The following NKAIN2 variants were observed in gnomAD, a reference collection of about 807,000 sequenced individuals.
NKAIN2 encodes the protein sodium/potassium transporting ATPase interacting 2.
In NKAIN2, 14 loss-of-function variants were observed where a neutral mutation model predicts 32.6. The observed-to-expected ratio is 0.43, with a 90% confidence interval of 0.28 to 0.67. The LOEUF is 0.67. Among genes scored for constraint, NKAIN2 ranks in the 30% least tolerant of loss-of-function variants. The pLI, the probability that NKAIN2 is intolerant of heterozygous loss-of-function variation, is 0.17. For synonymous variants in NKAIN2, 80 were observed against 87.2 expected (o/e 0.92, Z 0.46); for missense variants, 198 against 258.3 (o/e 0.77, Z 1.60).
chr6:124,051,170 T>A (rs1460700353), intron 1 of NKAIN2, among the ~76,000 whole-genome samples: 1 of 152,082 alleles, frequency 6.6e-6, no homozygotes, highest in East Asian at 1.9e-4. Context: ...ATAGTCATGG[T>A]GAACTTTATA....
At chr6:124,127,056 C>CATAT (rs1192371922) in intron 1 of NKAIN2, among the ~76,000 whole-genome samples, 2 of 151,528 alleles carry the variant, frequency 1.3e-5, no homozygotes, top group African/African-American at 4.9e-5. Flanking sequence ...TAGAATAATA[C>CATAT]ATATATATAT....
intron 1 of NKAIN2, among the ~76,000 whole-genome samples, chr6:124,181,187 G>T (rs949218617): frequency 6.6e-6 from 1 of 152,130 alleles, no homozygotes; most frequent in Admixed American, 6.5e-5. Context: ...GGCCCCAGCT[G>T]CACCTTGGGG....
intron 1 of NKAIN2, among the ~76,000 whole-genome samples, chr6:123,858,857 A>G (rs1348791383): frequency 1.3e-5 from 2 of 152,186 alleles, no homozygotes; most frequent in Non-Finnish European, 2.9e-5. Flanking sequence ...GTAAGCAGCT[A>G]TGGTGATGGG....
At position 124,178,403 on chromosome 6, in the gene NKAIN2, T is replaced by G. The variant is rs1789272539; in HGVS notation, c.55-104602T>G. ...AGCTCCGCCTCCTGGGTTCACGCCA[T>G]TCTCCTGCCTCAGCTTCCCGAGTAG... On this transcript the variant is annotated intron_variant, in intron 1 of 6. Transcript: ENST00000368417. Among the ~76,000 whole-genome samples the G allele has an allele frequency of 4.0e-5, 6 of 151,800 alleles. No individual in the cohort carries two copies. In the South Asian group the frequency reaches 1.2e-3, roughly 32 times the overall value.
chr6:124,264,586 C>A (rs1438410992), intron 1 of NKAIN2, among the ~76,000 whole-genome samples: 1 of 152,062 alleles, frequency 6.6e-6, no homozygotes, highest in Non-Finnish European at 1.5e-5. Context: ...AGATATAAGA[C>A]CTCCTGTATC....
At chr6:124,449,688 TCACA>T (rs1296848399) in intron 3 of NKAIN2, among the ~76,000 whole-genome samples, 1 of 151,788 alleles carries the variant, frequency 6.6e-6, no homozygotes, top group Non-Finnish European at 1.5e-5. Context: ...ACATATACAT[TCACA>T]CACACACCCA....
chr6:124,130,436 T>G (rs1018060649), intron 1 of NKAIN2, among the ~76,000 whole-genome samples: 1 of 152,198 alleles, frequency 6.6e-6, no homozygotes, highest in South Asian at 2.1e-4. Flanking sequence ...TGTTTTTCAT[T>G]TTAACTACTG....
intron 4 of NKAIN2, among the ~76,000 whole-genome samples, chr6:124,707,806 A>T (rs1198615532): frequency 6.6e-6 from 1 of 151,922 alleles, no homozygotes; most frequent in East Asian, 1.9e-4. Flanking sequence ...GTTCACTCTG[A>T]TGGTAGTTTC....
At chr6:124,316,474 T>C (rs1796957804) in intron 2 of NKAIN2, among the ~76,000 whole-genome samples, 1 of 152,132 alleles carries the variant, frequency 6.6e-6, no homozygotes, top group South Asian at 2.1e-4. Flanking sequence ...GCATTTCTCA[T>C]TACTATATGC....
chr6:123,867,339 A>C (rs967923097), intron 1 of NKAIN2, among the ~76,000 whole-genome samples: 1 of 152,308 alleles, frequency 6.6e-6, no homozygotes, highest in East Asian at 1.9e-4. Context: ...ATTTTTGGCT[A>C]TGTTTATATT....
chr6:123,953,494 A>G (rs955616558), intron 1 of NKAIN2, among the ~76,000 whole-genome samples: 3 of 152,118 alleles, frequency 2.0e-5, no homozygotes, highest in Non-Finnish European at 4.4e-5. Flanking sequence ...CAAGTGGTCC[A>G]TGGTGGTGTT....
intron 1 of NKAIN2, among the ~76,000 whole-genome samples, chr6:124,237,941 T>C (rs1470568266): frequency 6.6e-6 from 1 of 152,128 alleles, no homozygotes; most frequent in Non-Finnish European, 1.5e-5. Flanking sequence ...TGAGGTGTCA[T>C]GAGGGCATCC....
chr6:124,707,010 TCC>T (rs1287593653), intron 4 of NKAIN2, among the ~76,000 whole-genome samples: 1 of 95,092 alleles, frequency 1.1e-5, no homozygotes, highest in East Asian at 3.5e-4. Flanking sequence ...CCCACCACAG[TCC>T]CCAAAGTGTG....
intron 3 of NKAIN2, among the ~76,000 whole-genome samples, chr6:124,478,505 C>A (rs906354418): frequency 2.6e-5 from 4 of 152,188 alleles, no homozygotes; most frequent in Non-Finnish European, 5.9e-5. Context: ...ATCACACACA[C>A]ACGTGCATGT....
At chr6:123,811,318 A>G (rs1582570165) in intron 1 of NKAIN2, among the ~76,000 whole-genome samples, 1 of 141,862 alleles carries the variant, frequency 7.0e-6, no homozygotes, top group South Asian at 2.3e-4. Flanking sequence ...GAAAGCAAGC[A>G]CCCTCATGTC....
In NKAIN2 at chr6:124,672,663, C is replaced by G. The variant is rs191789324; in HGVS notation, c.474+14277C>G. Among the ~76,000 whole-genome samples the G allele has an allele frequency of 2.9e-3, 446 of 151,930 alleles. 2 individuals carry two copies. The highest frequency in any genetic ancestry group is 4.6e-3 in the South Asian group (22 of 4,816). On this transcript the variant is annotated intron_variant, in intron 4 of 6. Coordinates refer to ENST00000368417, the MANE Select transcript of NKAIN2 (RefSeq NM_001040214.3). ...GGGCTCTCTGGAAAAAAGTAGTAAG[C>G]CTTTGACAATGAGGCTGTGTGGAAT...
At chr6:124,502,787 T>C (rs769502888) in intron 3 of NKAIN2, among the ~76,000 whole-genome samples, 1 of 152,222 alleles carries the variant, frequency 6.6e-6, no homozygotes, top group African/African-American at 2.4e-5. Context: ...GGCTTGTGTG[T>C]ACTGGGGCTA....
At chr6:124,717,695 T>C (rs535496272) in intron 4 of NKAIN2, among the ~76,000 whole-genome samples, 8 of 152,122 alleles carry the variant, frequency 5.3e-5, no homozygotes, top group Non-Finnish European at 1.2e-4. Context: ...ATAACACTAG[T>C]TCAGCCATTG....
At chr6:124,586,343 A>G (rs1781709289) in intron 3 of NKAIN2, among the ~76,000 whole-genome samples, 1 of 152,210 alleles carries the variant, frequency 6.6e-6, no homozygotes, top group Admixed American at 6.5e-5. Flanking sequence ...TTGTTGTAGG[A>G]ACAGAAAACC....
Sources: allele counts gnomAD v4.1 joint callset (sites outside exome capture counted in the v4.1 genomes callset), GRCh38; gene constraint gnomAD v4.1.1; transcripts MANE v1.5; gene names NCBI Gene and HGNC (gene_info 2026-07-23, HGNC 2026-07-21).